CDK15: variants seen among roughly 807,000 people sequenced by gnomAD.
CDK15 encodes cyclin-dependent kinase 15.
Under a neutral mutation model 60.3 loss-of-function variants are expected in CDK15, and 62 were observed. That is an observed-to-expected ratio of 1.03 (90% CI 0.84 to 1.27). CDK15 has a LOEUF of 1.27. Among genes scored for constraint, CDK15 ranks in the 50% most tolerant of loss-of-function variants. CDK15 has a pLI of 0.00. For missense variants in CDK15, 541 were observed against 527.8 expected (o/e 1.03, Z -0.25); for synonymous variants, 194 against 195.7 (o/e 0.99, Z 0.07).
chr2:201,817,718 G>GGGTA (rs1200216574), intron 4 of CDK15, among the ~76,000 whole-genome samples: 1 of 152,168 alleles, frequency 6.6e-6, no homozygotes, highest in Admixed American at 6.5e-5. Context: ...AAATAGTCTA[G>GGGTA]GGTAGGCCTG....
intron 7 of CDK15, among the ~76,000 whole-genome samples, chr2:201,835,373 C>A (rs982313402): frequency 6.6e-6 from 1 of 152,182 alleles, no homozygotes; most frequent in Non-Finnish European, 1.5e-5. Flanking sequence ...GAAGTTCACA[C>A]ATCACCTCTG....
intron 10 of CDK15, chr2:201,861,452 G>C: frequency 1.0e-6 from 1 of 984,702 alleles, no homozygotes. Context: ...TTTGCAGGAT[G>C]AGTCTGAAAA....
intron 6 of CDK15, among the ~76,000 whole-genome samples, chr2:201,825,679 T>A (rs1400076132): frequency 6.6e-6 from 1 of 152,116 alleles, no homozygotes; most frequent in African/African-American, 2.4e-5. Flanking sequence ...GCAATTTAAA[T>A]AGAGGAGCAG....
chr2:201,825,657 T>C (rs576962459), intron 6 of CDK15, among the ~76,000 whole-genome samples: 1 of 152,282 alleles, frequency 6.6e-6, no homozygotes, highest in Admixed American at 6.5e-5. Flanking sequence ...TTTTTTTTTA[T>C]GGTAATGCTT....
At position 201,835,729 on chromosome 2, in the gene CDK15, G is replaced by A; in HGVS notation, c.817G>A (p.Gly273Arg). ...GTACCGGCCCCCTGATGCTTTGCTGGGAGCCACTGAATATTCCTCTGAGCT... is the reference window on the plus strand; with the variant it reads ...GTACCGGCCCCCTGATGCTTTGCTGAGAGCCACTGAATATTCCTCTGAGCT... ...LWYRPPDALLGATEYSSELDI... is the reference protein window; with the variant it reads ...LWYRPPDALLRATEYSSELDI... Residue 273 changes from glycine to arginine, a missense_variant, in exon 8 of 14, where the codon GGA becomes AGA. Transcript: ENST00000652192. 5 of 1,610,126 alleles carry A rather than the reference G, an allele frequency of 3.1e-6. No individual in the cohort carries two copies. Among genetic ancestry groups the A allele is most frequent in the Non-Finnish European group, 4.2e-6 (5 of 1,177,502 alleles).
chr2:201,837,432 G>A (rs1188054435), intron 8 of CDK15, among the ~76,000 whole-genome samples: 1 of 103,982 alleles, frequency 9.6e-6, no homozygotes, highest in Non-Finnish European at 2.0e-5. Context: ...GAGGGAGGAA[G>A]GGAAGGAAGG....
chr2:201,838,208 G>A (rs1214803502), intron 8 of CDK15, among the ~76,000 whole-genome samples: 1 of 151,310 alleles, frequency 6.6e-6, no homozygotes, highest in Non-Finnish European at 1.5e-5. Context: ...CTCTGCAGGG[G>A]ACATTTGGCA....
chr2:201,851,291 C>CAAAA (rs1176883047), intron 9 of CDK15, among the ~76,000 whole-genome samples: 3 of 27,766 alleles, frequency 1.1e-4, no homozygotes, highest in African/African-American at 1.8e-4. Flanking sequence ...GACTTCATCT[C>CAAAA]AAAAAAAAAA....
At chr2:201,859,511 C>A (rs779448806) in intron 10 of CDK15, among the ~76,000 whole-genome samples, 6 of 152,166 alleles carry the variant, frequency 3.9e-5, no homozygotes, top group Non-Finnish European at 8.8e-5. Flanking sequence ...GAGGAATATA[C>A]AAGAAGCAGA....
chr2:201,806,608 G>A lies in CDK15; in HGVS notation c.-57G>A. The A allele has an allele frequency of 1.3e-6, 2 of 1,511,228 alleles. No individual in the cohort carries two copies. The allele number at this position is 1,511,228 out of a possible 1,614,324, so 93.6% of individuals were successfully genotyped here. On this transcript the variant is annotated 5_prime_UTR_variant, in exon 1 of 14. Transcript: ENST00000652192. ...GGCAAAAAGGGAGAGAACAAGGATA[G>A]GAGAGGCAGTGGGGGAAAGGTTCAA...
At chr2:201,837,447 AAAGGAAGGAAGGAAGG>A (rs541662770) in intron 8 of CDK15, among the ~76,000 whole-genome samples, 19,547 of 61,014 alleles carry the variant, frequency 0.32, 3,321 homozygotes, top group Non-Finnish European at 0.37. Context: ...GGAAGGAAGG[AAAGGAAGGAAGGAAGG>A]AAGGAAGGAA....
At chr2:201,818,203 G>A (rs58902108) in intron 4 of CDK15, among the ~76,000 whole-genome samples, 4,039 of 152,232 alleles carry the variant, frequency 0.027, 168 homozygotes, top group African/African-American at 0.092. Context: ...TTCAATCCAT[G>A]CCCTCAATGA....
At chr2:201,851,277 G>A (rs1194612557) in intron 9 of CDK15, among the ~76,000 whole-genome samples, 4 of 120,666 alleles carry the variant, frequency 3.3e-5, no homozygotes, top group African/African-American at 1.2e-4. Flanking sequence ...GAGCAACAGA[G>A]TGAGACTTCA....
chr2:201,841,606 A>G (rs1404382434), intron 8 of CDK15, among the ~76,000 whole-genome samples: 1 of 152,206 alleles, frequency 6.6e-6, no homozygotes, highest in African/African-American at 2.4e-5. Context: ...AGGCCATGCA[A>G]CCCCATAGGG....
chr2:201,807,368 G>A lies in CDK15; in HGVS notation c.124-126G>A, dbSNP rs144066313. The A allele has an allele frequency of 6.9e-5, 65 of 943,104 alleles. No individual in the cohort carries two copies. The East Asian group carries it at 1.6e-3, about 23-fold the overall frequency. The allele number at this position is 943,104 out of a possible 1,614,324, so 58.4% of individuals were successfully genotyped here. On this transcript the variant is annotated intron_variant, in intron 1 of 13. Transcript: ENST00000652192. ...GATCTTTCAAGAAAAGTGCCTTTTGGGGGTACAGGAAGCTTAGAAAACATT... is the reference window on the plus strand; with the variant it reads ...GATCTTTCAAGAAAAGTGCCTTTTGAGGGTACAGGAAGCTTAGAAAACATT...
intron 7 of CDK15, among the ~76,000 whole-genome samples, chr2:201,835,001 C>G (rs1021738536): frequency 6.6e-6 from 1 of 152,126 alleles, no homozygotes; most frequent in Non-Finnish European, 1.5e-5. Context: ...AAGGTCCTAC[C>G]AAACTAATTA....
intron 10 of CDK15, among the ~76,000 whole-genome samples, chr2:201,866,861 T>C (rs1014712585): frequency 3.3e-5 from 5 of 152,160 alleles, no homozygotes; most frequent in East Asian, 1.9e-4. Context: ...AAACAGGCGA[T>C]GGGCTTTGCT....
At chr2:201,826,408 G>A (rs1166329522) in intron 6 of CDK15, among the ~76,000 whole-genome samples, 9 of 128,380 alleles carry the variant, frequency 7.0e-5, no homozygotes, top group South Asian at 4.9e-4. Flanking sequence ...TGCGTGAGCC[G>A]AGATCGCGCC....
chr2:201,869,314 G>T (rs999131611), intron 10 of CDK15, among the ~76,000 whole-genome samples: 3 of 151,874 alleles, frequency 2.0e-5, no homozygotes, highest in Non-Finnish European at 4.4e-5. Context: ...TCACTCACAG[G>T]GGGGAATTGA....
Sources: allele counts gnomAD v4.1 joint callset (sites outside exome capture counted in the v4.1 genomes callset), GRCh38; gene constraint gnomAD v4.1.1; transcripts MANE v1.5; gene names NCBI Gene and HGNC (gene_info 2026-07-23, HGNC 2026-07-21).